The following CEP152 variants were observed in gnomAD, a reference collection of about 807,000 sequenced individuals.
The protein encoded by CEP152 is centrosomal protein of 152 kDa.
A neutral mutation model predicts 188.9 loss-of-function variants in CEP152; 132 were observed. The observed-to-expected ratio is 0.70, with a 90% CI of 0.61 to 0.81. The LOEUF is 0.81. Ranked by LOEUF, CEP152 falls within the 30% of genes least tolerant of loss-of-function variation. The pLI is 0.00. For missense variants in CEP152, 1,914 were observed against 1,969.8 expected, an observed-to-expected ratio of 0.97 and a Z score of 0.54; for synonymous variants, 649 against 666.6, an observed-to-expected ratio of 0.97 and a Z score of 0.41.
At position 48,738,684 on chromosome 15, in the gene CEP152, C is replaced by T. The variant is rs778813057; in HGVS notation, c.4698G>A (p.Gly1566=). The T allele has an allele frequency of 3.6e-5, 58 of 1,614,038 alleles. 3 individuals are homozygous for T. The South Asian group carries it at 6.1e-4, about 17-fold the overall frequency. Residue 1566 remains glycine, a synonymous_variant, in exon 27 of 27, where the codon GGG becomes GGA. Transcript: ENST00000380950. ...GCCAGCCCAAGCAGTCACTAAGGTCCCCTCCATCTTTTACTGGAGGTTCCT... is the reference window on the plus strand; with the variant it reads ...GCCAGCCCAAGCAGTCACTAAGGTCTCCTCCATCTTTTACTGGAGGTTCCT... ...DVQEPPVKDG[G]DLSDCLGWPS...
At chr15:48,752,303 G>T (rs1893928302) in intron 21 of CEP152, 46 bp downstream of exon 21, 1 of 1,613,886 alleles carries the variant, frequency 6.2e-7, no homozygotes, top group African/African-American at 1.3e-5. Context: ...CTTCAGATGG[G>T]TGATTATGGA....
chr15:48,767,538 C>T, intron 15 of CEP152, 75 bp from the exon 16 acceptor site: 3 of 1,589,084 alleles, frequency 1.9e-6, no homozygotes, highest in South Asian at 2.2e-5. Flanking sequence ...TCCTTCCTTC[C>T]TCCTCACCTC....
intron 14 of CEP152, among the ~76,000 whole-genome samples, chr15:48,768,637 G>A (rs574046302): frequency 1.4e-4 from 21 of 152,280 alleles, no homozygotes; most frequent in African/African-American, 5.1e-4. Flanking sequence ...ATAAGTCTCA[G>A]AATTCAATAA....
At chr15:48,796,353 A>C (rs1484471589) in intron 5 of CEP152, among the ~76,000 whole-genome samples, 193 bp from the exon 6 acceptor site, 1 of 151,896 alleles carries the variant, frequency 6.6e-6, no homozygotes, top group African/African-American at 2.4e-5. Context: ...AGTAGCACGT[A>C]TTGTTATTTA....
chr15:48,763,986 A>T (rs1290992404), intron 17 of CEP152, among the ~76,000 whole-genome samples: 1 of 152,154 alleles, frequency 6.6e-6, no homozygotes, highest in Non-Finnish European at 1.5e-5. Flanking sequence ...TGCCCAAAAA[A>T]CTTGTTATAT....
chr15:48,746,322 A>G (rs1893419447), intron 22 of CEP152, among the ~76,000 whole-genome samples: 1 of 152,100 alleles, frequency 6.6e-6, no homozygotes, highest in Admixed American at 6.6e-5. Flanking sequence ...GTAGAATAGT[A>G]TGGTGCTAAA....
In CEP152 at chr15:48,768,256, G is replaced by A. The variant is rs1895273154; in HGVS notation, c.1981C>T (p.Gln661Ter). Residue 661 changes from glutamine to a stop codon, truncating the protein, a stop_gained, in exon 15 of 27, where the codon CAA (glutamine) becomes TAA (stop). Coordinates refer to ENST00000380950, the MANE Select transcript of CEP152 (RefSeq NM_001194998.2). LOFTEE classifies it high-confidence loss of function. ...TCTTGTTTGTCATGGTCAAAATCTT[G>A]TACCATTTGTCTCATTTGATTACAT... ...DLCNQMRQMV[Q>*]DFDHDKQEAV... 1.2e-6 allele frequency: 2 copies of A among 1,612,026 alleles called. No homozygotes were observed. Among genetic ancestry groups the A allele is most frequent in the East Asian group, 4.5e-5 (2 of 44,844 alleles).
At position 48,780,838 on chromosome 15, in the gene CEP152, G is replaced by A. The variant is rs190815192; in HGVS notation, c.1577+358C>T. Among the ~76,000 whole-genome samples the A allele has an allele frequency of 6.6e-3, 1,007 of 152,270 alleles. 5 individuals are homozygous for A. Among genetic ancestry groups the A allele is most frequent in the South Asian group, 0.029 (139 of 4,816 alleles). ...TTGTATAGCACCTTCCACGCAGCAA[G>A]TGCTTCTGAAGTCCTTTAAGTGTTT... On this transcript the variant is annotated intron_variant, in intron 12 of 26. Transcript: ENST00000380950.
Position 48,781,182 on chromosome 15 carries a change from T to C in CEP152, c.1577+14A>G, listed in dbSNP as rs1485196495. 3 of 1,611,740 alleles carry C rather than the reference T, an allele frequency of 1.9e-6. No homozygotes were observed. Among genetic ancestry groups the C allele is most frequent in the Admixed American group, 1.7e-5 (1 of 59,978 alleles). On this transcript the variant is annotated intron_variant, in intron 12 of 26. Transcript: ENST00000380950. ...TTGGTTCTTCTACAGTAAACTAAAA[T>C]ATTCTTTCCATACCTGGTAACTTTG...
chr15:48,762,697 GAGA>G, intron 17 of CEP152, 25 bp from the exon 18 acceptor site: 1 of 1,609,292 alleles, frequency 6.2e-7, no homozygotes. Flanking sequence ...AAAATCATAC[GAGA>G]AGAACAATTT....
At chr15:48,799,381 G>C (rs1477491428) in intron 2 of CEP152, among the ~76,000 whole-genome samples, 1 of 152,030 alleles carries the variant, frequency 6.6e-6, no homozygotes, top group Non-Finnish European at 1.5e-5. Context: ...ACTGAGCTTT[G>C]GTGAAATAAA....
chr15:48,737,501 T>C (rs946753379), downstream of CEP152, among the ~76,000 whole-genome samples: 5 of 152,206 alleles, frequency 3.3e-5, no homozygotes, highest in African/African-American at 9.6e-5. Flanking sequence ...AAAAATCTAA[T>C]CGTTTTACAT....
intron 2 of CEP152, among the ~76,000 whole-genome samples, chr15:48,798,916 TATA>T (rs147043056): frequency 0.21 from 31,926 of 151,998 alleles, 3,949 homozygotes; most frequent in Non-Finnish European, 0.27. Context: ...CAAAACCCAA[TATA>T]ATAATATTAC....
chr15:48,771,027 T>C (rs60896516), intron 13 of CEP152, among the ~76,000 whole-genome samples: 47,446 of 152,018 alleles, frequency 0.31, 9,931 homozygotes, highest in East Asian at 0.63. Flanking sequence ...AAAAGGAGTA[T>C]ACTACCCACA....
chr15:48,770,778 A>G (rs1191760388), intron 13 of CEP152, among the ~76,000 whole-genome samples: 1 of 152,216 alleles, frequency 6.6e-6, no homozygotes, highest in Non-Finnish European at 1.5e-5. Flanking sequence ...ATTAAAATCT[A>G]TGTTTTAGTC....
At chr15:48,783,567 C>T (rs954553909) in intron 10 of CEP152, among the ~76,000 whole-genome samples, 3 of 151,764 alleles carry the variant, frequency 2.0e-5, no homozygotes, top group African/African-American at 7.3e-5. Flanking sequence ...AGTATGTTTT[C>T]AGAAATGCAT....
chr15:48,745,082 G>A, intron 22 of CEP152, 90 bp from the exon 23 acceptor site: 1 of 887,294 alleles, frequency 1.1e-6, no homozygotes, highest in South Asian at 2.0e-5. Context: ...GTTTATAGAA[G>A]AGACTGTGCA....
At chr15:48,808,964 T>TTATAG (rs1898167340) in intron 1 of CEP152, among the ~76,000 whole-genome samples, 3 of 152,210 alleles carry the variant, frequency 2.0e-5, no homozygotes, top group Admixed American at 6.5e-5. Context: ...AGATAACTTT[T>TTATAG]TCTGAACCCT....
chr15:48,777,762 C>T (rs1896014449), intron 12 of CEP152, among the ~76,000 whole-genome samples: 1 of 152,056 alleles, frequency 6.6e-6, no homozygotes, highest in African/African-American at 2.4e-5. Flanking sequence ...TAACCTTAAG[C>T]AGAATGATTA....
Sources: allele counts gnomAD v4.1 joint callset (sites outside exome capture counted in the v4.1 genomes callset), GRCh38; gene constraint gnomAD v4.1.1; transcripts MANE v1.5; gene names NCBI Gene and HGNC (gene_info 2026-07-23, HGNC 2026-07-21).